Variants in CCL17 observed in about 807,000 individuals in gnomAD.
CCL17 encodes C-C motif chemokine 17.
A neutral mutation model predicts 7.4 loss-of-function variants in CCL17; 8 were observed. The ratio of observed to expected loss-of-function variants is 1.09; its 90% CI spans 0.64 to 1.96. The LOEUF is 1.96. Among genes scored for constraint, CCL17 ranks in the 30% most tolerant of loss-of-function variants. CCL17 has a pLI of 0.00. For missense variants in CCL17, 102 were observed against 113.0 expected, an observed-to-expected ratio of 0.90 and a Z score of 0.44; for synonymous variants, 40 against 46.1, an observed-to-expected ratio of 0.87 and a Z score of 0.54.
chr16:57,412,209 G>T (rs541434828), intron 1 of CCL17, among the ~76,000 whole-genome samples: 1 of 152,196 alleles, frequency 6.6e-6, no homozygotes, highest in African/African-American at 2.4e-5. Flanking sequence ...TCTGTGAGCC[G>T]CCGGAGGTCA....
rs746555483 is a variant in CCL17, at chr16:57,415,199, G to T, written c.188+1G>T. ...AGGACTGCTCCAGGGATGCCATCGT[G>T]TAAGTCCCCCTGGCTCCACCCCTGC... On this transcript the variant is annotated splice_donor_variant, in intron 3 of 3. Coordinates refer to ENST00000219244, the MANE Select transcript of CCL17 (RefSeq NM_002987.3). LOFTEE classifies it high-confidence loss of function. This position sits in a 1 kb window ranked among gnomAD's most constrained non-coding sequence, Gnocchi z 4.5. 12 of 1,587,670 alleles carry T rather than the reference G, an allele frequency of 7.6e-6. No homozygotes were observed. The South Asian group carries it at 1.3e-4, about 18-fold the overall frequency.
At chr16:57,402,184 C>T (rs1322035427), upstream of CCL17, among the ~76,000 whole-genome samples, 1 of 152,230 alleles carries the variant, frequency 6.6e-6, no homozygotes, top group East Asian at 1.9e-4. Context: ...CAGAAGTGGC[C>T]ACAGCCCTTC....
At chr16:57,405,424 A>T (rs759766187) in intron 1 of CCL17, among the ~76,000 whole-genome samples, 4 of 152,196 alleles carry the variant, frequency 2.6e-5, no homozygotes, top group Non-Finnish European at 5.9e-5. Context: ...GGAATGAGTC[A>T]AGGGCAAAGT....
upstream of CCL17, among the ~76,000 whole-genome samples, chr16:57,403,487 AATAT>A (rs368230055): frequency 6.5e-5 from 1 of 15,272 alleles, no homozygotes; most frequent in African/African-American, 4.3e-4. Context: ...ATTATATAAT[AATAT>A]ATATATTATA....
At chr16:57,399,879 A>G (rs965499055), upstream of CCL17, among the ~76,000 whole-genome samples, 1 of 152,184 alleles carries the variant, frequency 6.6e-6, no homozygotes, top group African/African-American at 2.4e-5. Flanking sequence ...CCAAAACACC[A>G]TGGGTGCAGT....
intron 1 of CCL17, 52 bp from the exon 2 acceptor site, chr16:57,413,822 C>A (rs1291886514): frequency 8.6e-6 from 7 of 816,312 alleles, no homozygotes; most frequent in Non-Finnish European, 1.3e-5. Context: ...AGGGGCGGGG[C>A]AAGACCCCCA....
At position 57,410,366 on chromosome 16, in the gene CCL17, G is replaced by A. The variant is rs541383124; in HGVS notation, c.-59-3508G>A. Among the ~76,000 whole-genome samples the A allele has an allele frequency of 1.9e-4, 29 of 152,144 alleles. 1 individual carries two copies. The highest frequency in any genetic ancestry group is 3.2e-4 in the Non-Finnish European group (22 of 68,014). On this transcript the variant is annotated intron_variant, in intron 1 of 3. Coordinates refer to ENST00000219244, the MANE Select transcript of CCL17 (RefSeq NM_002987.3). ...GTGCCTGGCCACTTTAGTCAGAGGC[G>A]TTGAGACAAGGAGTTACCACAGCCG...
intron 1 of CCL17, among the ~76,000 whole-genome samples, chr16:57,405,897 C>G (rs1441824286): frequency 6.9e-6 from 1 of 145,210 alleles, no homozygotes; most frequent in South Asian, 2.2e-4. Flanking sequence ...AAAAAATTAG[C>G]CGGGCATGGT....
the CCL17 span, among the ~76,000 whole-genome samples, chr16:57,399,554 G>A: frequency 3.9e-5 from 6 of 152,116 alleles, no homozygotes; most frequent in East Asian, 1.9e-4. Flanking sequence ...AGGTTCAAGC[G>A]ATTCTTCTGC....
intron 1 of CCL17, among the ~76,000 whole-genome samples, chr16:57,407,034 G>C (rs1902706764): frequency 6.6e-6 from 1 of 152,224 alleles, no homozygotes; most frequent in African/African-American, 2.4e-5. Flanking sequence ...CAAGTGGGCA[G>C]AGAGGAAATG....
At chr16:57,414,073 C>A in intron 2 of CCL17, 71 bp downstream of exon 2, 1 of 1,190,162 alleles carries the variant, frequency 8.4e-7, no homozygotes. Context: ...AAGACCACCA[C>A]AGCAATACAC....
chr16:57,409,437 G>A (rs1902750433), intron 1 of CCL17, among the ~76,000 whole-genome samples: 2 of 152,198 alleles, frequency 1.3e-5, no homozygotes, highest in South Asian at 2.1e-4. Flanking sequence ...GCAGAAATGT[G>A]GGCTTCGTCC....
chr16:57,411,972 G>T (rs1308299795), intron 1 of CCL17, among the ~76,000 whole-genome samples: 1 of 152,232 alleles, frequency 6.6e-6, no homozygotes, highest in African/African-American at 2.4e-5. Context: ...ACAGCCCTGG[G>T]CACAGGAGGG....
At chr16:57,399,927 T>G (rs185013756), upstream of CCL17, among the ~76,000 whole-genome samples, 163 of 152,304 alleles carry the variant, frequency 1.1e-3, 1 homozygote, top group African/African-American at 3.7e-3. Flanking sequence ...AGCCAATCAC[T>G]GAGACACCAA....
At chr16:57,410,990 A>C (rs1458290047) in intron 1 of CCL17, among the ~76,000 whole-genome samples, 2 of 152,180 alleles carry the variant, frequency 1.3e-5, no homozygotes, top group East Asian at 3.8e-4. Context: ...CCGGGGTTTC[A>C]TGCTGTTGCC....
chr16:57,412,281 C>G (rs542372577), intron 1 of CCL17, among the ~76,000 whole-genome samples: 1 of 152,144 alleles, frequency 6.6e-6, no homozygotes, highest in Non-Finnish European at 1.5e-5. Context: ...CTCCCAGGTG[C>G]GGAAGCAGCC....
chr16:57,411,277 G>A (rs549008190), intron 1 of CCL17, among the ~76,000 whole-genome samples: 7 of 152,246 alleles, frequency 4.6e-5, no homozygotes, highest in South Asian at 2.1e-4. Context: ...CAACAGCAGG[G>A]TCGGGCCTCT....
chr16:57,397,317 G>T, the CCL17 span, among the ~76,000 whole-genome samples: 23 of 152,332 alleles, frequency 1.5e-4, no homozygotes, highest in East Asian at 2.1e-3. Context: ...GAAAACTTTG[G>T]TGGAGGGTCT....
In CCL17 at chr16:57,412,804, G is replaced by C. The variant is rs575740136; in HGVS notation, c.-59-1070G>C. ...GACGCCCATGCTGTGGCTCCCGGGA[G>C]CCCCAACAGGGCGACCGGCAATTTC... On this transcript the variant is annotated intron_variant, in intron 1 of 3. Transcript: ENST00000219244. Among the ~76,000 whole-genome samples, 95 of 152,312 alleles carry C rather than the reference G, an allele frequency of 6.2e-4. 1 individual carries two copies. The highest frequency in any genetic ancestry group is 1.8e-3 in the Admixed American group (27 of 15,308).
Sources: gnomAD v4.1 joint callset for allele counts (sites outside exome capture counted in the v4.1 genomes callset) on GRCh38, gnomAD v4.1.1 for gene constraint, Gnocchi (gnomAD v3.1) non-coding constraint, MANE v1.5 for transcripts, NCBI Gene and HGNC (gene_info 2026-07-23, HGNC 2026-07-21) for gene names.